Variants in PCDHGA3 observed in about 807,000 individuals in gnomAD.
PCDHGA3 encodes protocadherin gamma-A3.
Under a neutral mutation model 58.5 loss-of-function variants are expected in PCDHGA3, and 40 were observed. That is an observed-to-expected ratio of 0.68 (90% CI 0.53 to 0.89). PCDHGA3 has a LOEUF of 0.89. PCDHGA3 is among the 40% of genes least tolerant of loss of function. The probability of loss-of-function intolerance (pLI) is 0.00; values close to 1 mark genes in which losing one functional copy is unlikely to be tolerated. For synonymous variants in PCDHGA3, 530 were observed against 525.7 expected (o/e 1.01, Z -0.11); for missense variants, 1,223 against 1,195.9 (o/e 1.02, Z -0.33).
chr5:141,431,828 C>T lies in PCDHGA3; in HGVS notation c.2425-62979C>T. The T allele has an allele frequency of 6.2e-7, 1 of 1,610,208 alleles. No individual in the cohort carries two copies. Among genetic ancestry groups the T allele is most frequent in the Non-Finnish European group, 8.5e-7 (1 of 1,176,374 alleles). On this transcript the variant is annotated intron_variant, in intron 1 of 3. Transcript: ENST00000253812. This position sits in a 1 kb window ranked among gnomAD's most constrained non-coding sequence, Gnocchi z 4.8. Reference sequence around the variant, plus strand: ...CCTCACCTCTCTCGCCAGCTCGGTTCCCGAAAACTCTCCCAGAGGGACATT... The same window carrying T: ...CCTCACCTCTCTCGCCAGCTCGGTTTCCGAAAACTCTCCCAGAGGGACATT...
chr5:141,477,080 A>C lies in PCDHGA3; in HGVS notation c.2425-17727A>C. 1 of 1,614,254 alleles carries C rather than the reference A, an allele frequency of 6.2e-7. No homozygotes were observed. ...GGACACCAAACTCCATGAGATTTAC[A>C]TCCAGGCCAAAGACAAGGGCGCCAA... On this transcript the variant is annotated intron_variant, in intron 1 of 3. Coordinates refer to ENST00000253812, the MANE Select transcript of PCDHGA3 (RefSeq NM_018916.4). This position sits in a 1 kb window ranked among gnomAD's most constrained non-coding sequence, Gnocchi z 4.9.
At chr5:141,357,209 A>C in intron 1 of PCDHGA3, 1 of 1,613,552 alleles carries the variant, frequency 6.2e-7, no homozygotes, top group South Asian at 1.1e-5. Flanking sequence ...AGCATCCCAG[A>C]TGTCCTGGCT....
At chr5:141,457,448 A>G (rs1296079061) in intron 1 of PCDHGA3, among the ~76,000 whole-genome samples, 2 of 152,196 alleles carry the variant, frequency 1.3e-5, no homozygotes, top group Non-Finnish European at 2.9e-5. Flanking sequence ...GCAGAAGATC[A>G]CCACTTGATT....
chr5:141,404,790 A>T, intron 1 of PCDHGA3: 1 of 1,611,288 alleles, frequency 6.2e-7, no homozygotes, highest in East Asian at 2.2e-5. Context: ...AAGGCCAGTG[A>T]GCCAGGGCTC....
chr5:141,505,335 A>G, intron 2 of PCDHGA3, 58 bp from the exon 3 acceptor site: 1 of 1,611,086 alleles, frequency 6.2e-7, no homozygotes, highest in Non-Finnish European at 8.5e-7. Flanking sequence ...AGAGGACAGG[A>G]GGGGCATGAG....
chr5:141,451,301 G>T (rs963686418), intron 1 of PCDHGA3, among the ~76,000 whole-genome samples: 3 of 152,196 alleles, frequency 2.0e-5, no homozygotes, highest in Non-Finnish European at 4.4e-5. Flanking sequence ...AGTCTTACAA[G>T]GCAGCAATTA....
chr5:141,371,867 C>A (rs1452583584), intron 1 of PCDHGA3: 14 of 1,613,430 alleles, frequency 8.7e-6, no homozygotes, highest in Non-Finnish European at 1.0e-5. Context: ...CCTACTACAT[C>A]GTGGCCAGTG....
intron 1 of PCDHGA3, chr5:141,349,960 AG>A (rs1163363657): frequency 7.9e-6 from 2 of 254,118 alleles, no homozygotes; most frequent in Non-Finnish European, 1.5e-5. Context: ...AATTAAAGAC[AG>A]GGTACATAGA....
chr5:141,357,278 T>G, intron 1 of PCDHGA3: 1 of 1,613,822 alleles, frequency 6.2e-7, no homozygotes, highest in Non-Finnish European at 8.5e-7. Flanking sequence ...ACACTCTATC[T>G]CGTGGTGGCA....
chr5:141,439,904 C>T (rs1175032042), intron 1 of PCDHGA3: 2 of 152,364 alleles, frequency 1.3e-5, no homozygotes, highest in East Asian at 1.9e-4. Context: ...GCGACTACTG[C>T]CTCCTTTCCT....
At chr5:141,403,066 G>A in intron 1 of PCDHGA3, 1 of 1,614,076 alleles carries the variant, frequency 6.2e-7, no homozygotes, top group East Asian at 2.2e-5. Flanking sequence ...TGCCTGAAGA[G>A]ACAGAAAAGG....
intron 1 of PCDHGA3, chr5:141,395,210 A>G (rs200048432): frequency 1.2e-6 from 2 of 1,613,418 alleles, no homozygotes; most frequent in East Asian, 2.2e-5. Context: ...ATTTTCATGA[A>G]TATAAGAATG....
chr5:141,418,013 A>C (rs769578436), intron 1 of PCDHGA3: 2 of 1,613,906 alleles, frequency 1.2e-6, no homozygotes, highest in African/African-American at 2.7e-5. Flanking sequence ...GAACCTCGCT[A>C]AGGATCTAGG....
chr5:141,383,239 A>T, intron 1 of PCDHGA3: 1 of 1,613,966 alleles, frequency 6.2e-7, no homozygotes, highest in South Asian at 1.1e-5. Flanking sequence ...GGAAGATAAA[A>T]TGAATCTTTA....
At position 141,476,752 on chromosome 5, in the gene PCDHGA3, A is replaced by C. The variant is rs771355583; in HGVS notation, c.2425-18055A>C. The C allele has an allele frequency of 6.2e-7, 1 of 1,613,926 alleles. No homozygotes were observed. The highest frequency in any genetic ancestry group is 1.1e-5 in the South Asian group (1 of 91,080). Reference sequence around the variant, plus strand: ...GAGAACGGGAGCCTAGTCTCCAGTTAGTGCTGACGGCGTTGGACGGAGGGA... The same window carrying C: ...GAGAACGGGAGCCTAGTCTCCAGTTCGTGCTGACGGCGTTGGACGGAGGGA... On this transcript the variant is annotated intron_variant, in intron 1 of 3. Transcript: ENST00000253812. The surrounding 1 kb of genome is among the most constrained non-coding windows in gnomAD (Gnocchi z 7.6).
intron 1 of PCDHGA3, among the ~76,000 whole-genome samples, chr5:141,347,112 C>T (rs56165464): frequency 1.7e-4 from 14 of 81,006 alleles, no homozygotes; most frequent in South Asian, 3.4e-4. Flanking sequence ...TCTCTCTTTC[C>T]TCCTTCCTTC....
chr5:141,389,850 GC>G (rs757946267), intron 1 of PCDHGA3: 1 of 1,614,070 alleles, frequency 6.2e-7, no homozygotes, highest in Non-Finnish European at 8.5e-7. Context: ...CTCGGCCACT[GC>G]CACGTTGCAC....
intron 2 of PCDHGA3, among the ~76,000 whole-genome samples, chr5:141,500,838 GGCTTTT>G (rs2099802886): frequency 6.6e-6 from 1 of 151,878 alleles, no homozygotes. Flanking sequence ...AATGCTAATG[GGCTTTT>G]GCTACATTAG....
chr5:141,371,336 C>T (rs2149982904), intron 1 of PCDHGA3: 1 of 1,613,926 alleles, frequency 6.2e-7, no homozygotes, highest in Non-Finnish European at 8.5e-7. Context: ...AGAGAGATAG[C>T]TACACAATTG....
Sources: allele counts gnomAD v4.1 joint callset (sites outside exome capture counted in the v4.1 genomes callset), GRCh38; gene constraint gnomAD v4.1.1; non-coding constraint Gnocchi (gnomAD v3.1); transcripts MANE v1.5; gene names NCBI Gene and HGNC (gene_info 2026-07-23, HGNC 2026-07-21).